The following EFL1 variants were observed in gnomAD, a reference collection of about 807,000 sequenced individuals.
The protein encoded by EFL1 is elongation factor-like GTPase 1.
A neutral mutation model predicts 126.7 loss-of-function variants in EFL1; 76 were observed. The ratio of observed to expected loss-of-function variants is 0.60; its 90% CI spans 0.50 to 0.73. EFL1 has a LOEUF of 0.73. EFL1 is among the 30% of genes least tolerant of loss of function. EFL1 has a pLI of 0.00. For missense variants in EFL1, 1,128 were observed against 1,343.2 expected, an observed-to-expected ratio of 0.84 and a Z score of 2.50; for synonymous variants, 410 against 448.4, an observed-to-expected ratio of 0.91 and a Z score of 1.08.
intron 15 of EFL1, among the ~76,000 whole-genome samples, chr15:82,182,002 G>C (rs913352214): frequency 2.6e-5 from 4 of 152,190 alleles, no homozygotes; most frequent in Non-Finnish European, 5.9e-5. Flanking sequence ...GCTCACGCCT[G>C]TAATCCCAGC....
chr15:82,147,602 A>C, intron 18 of EFL1, among the ~76,000 whole-genome samples: 1 of 145,776 alleles, frequency 6.9e-6, no homozygotes, highest in Non-Finnish European at 1.5e-5. Flanking sequence ...AGATTGTGCC[A>C]CTGCAGTCCA....
chr15:82,133,752 G>A (rs1405023654), intron 19 of EFL1, among the ~76,000 whole-genome samples: 1 of 152,196 alleles, frequency 6.6e-6, no homozygotes, highest in Non-Finnish European at 1.5e-5. Context: ...AACACAAACT[G>A]TTTTCAGAAT....
Position 82,228,234 on chromosome 15 carries a change from G to A in EFL1, c.1026C>T (p.Asn342=), listed in dbSNP as rs192835644. 594 of 1,613,980 alleles carry A rather than the reference G, an allele frequency of 3.7e-4. 1 individual carries two copies. In the African/African-American group the frequency reaches 6.0e-3, roughly 16 times the overall value. The change falls in exon 10 of 20, where the codon AAC becomes AAT. Residue 342 remains asparagine, a synonymous_variant. Coordinates refer to ENST00000268206, the MANE Select transcript of EFL1 (RefSeq NM_024580.6). ...TGGGTAGCCACTGACTGCAAATGGC[G>A]TTGATCTGAACTTTAGGGTCTGAAT... ...ARHSDPKVQI[N]AICSQWLPIS...
chr15:82,230,789 A>G, intron 8 of EFL1, 59 bp downstream of exon 8: 1 of 1,540,324 alleles, frequency 6.5e-7, no homozygotes, highest in Non-Finnish European at 8.7e-7. Context: ...ATATTACAGT[A>G]TAGGTTTTCA....
intron 4 of EFL1, among the ~76,000 whole-genome samples, chr15:82,244,239 G>T (rs1357255409): frequency 1.3e-5 from 2 of 152,092 alleles, no homozygotes; most frequent in Non-Finnish European, 2.9e-5. Context: ...CTCTTCTGCT[G>T]TGACTTCAGC....
rs1337094152 is a variant in EFL1, at chr15:82,230,988, T to C, written c.732-17A>G. ...TGCTCAATTCTGAAAGAAGACCAAA[T>C]GTTCATGTTATTAATAACAACGATT... On this transcript the variant is annotated splice_polypyrimidine_tract_variant and intron_variant, in intron 7 of 19. Coordinates refer to ENST00000268206, the MANE Select transcript of EFL1 (RefSeq NM_024580.6). 4 of 1,607,794 alleles carry C rather than the reference T, an allele frequency of 2.5e-6. No individual in the cohort carries two copies. The South Asian group carries it at 4.5e-5, about 18-fold the overall frequency.
At position 82,244,446 on chromosome 15, in the gene EFL1, C is replaced by T. The variant is rs1474976269; in HGVS notation, c.245-3043G>A. The stretch of plus-strand genomic sequence containing the variant: ...TTTTAAGCATGCTAAATGATCTTTC[C>T]GATTTGTAACAAAGTCCTGAAGCTA... On this transcript the variant is annotated intron_variant, in intron 4 of 19. Coordinates refer to ENST00000268206, the MANE Select transcript of EFL1 (RefSeq NM_024580.6). Among the ~76,000 whole-genome samples, 32 of 152,034 alleles carry T rather than the reference C, an allele frequency of 2.1e-4. 1 individual carries two copies. Among genetic ancestry groups the T allele is most frequent in the Non-Finnish European group, 4.0e-4 (27 of 68,020 alleles).
intron 3 of EFL1, among the ~76,000 whole-genome samples, chr15:82,255,309 GA>G (rs1464686149): frequency 2.6e-5 from 4 of 152,116 alleles, no homozygotes; most frequent in Non-Finnish European, 5.9e-5. Flanking sequence ...CCTTTTCTGT[GA>G]ATTGCCTATA....
At chr15:82,165,751 T>C (rs1381698057) in intron 15 of EFL1, among the ~76,000 whole-genome samples, 2 of 152,230 alleles carry the variant, frequency 1.3e-5, no homozygotes, top group Non-Finnish European at 2.9e-5. Context: ...TTTGAAAGCA[T>C]TTGTCAGATC....
At chr15:82,257,505 G>A (rs1204077768) in intron 3 of EFL1, among the ~76,000 whole-genome samples, 2 of 152,046 alleles carry the variant, frequency 1.3e-5, no homozygotes, top group East Asian at 3.8e-4. Flanking sequence ...CAATGTCAAT[G>A]AAAAACAAAA....
chr15:82,239,894 T>A (rs1169496701), intron 6 of EFL1, among the ~76,000 whole-genome samples: 2 of 152,196 alleles, frequency 1.3e-5, no homozygotes, highest in Admixed American at 6.5e-5. Flanking sequence ...TCTATGCTGT[T>A]ATATCACACC....
intron 1 of EFL1, 181 bp from the exon 2 acceptor site, chr15:82,261,978 T>C (rs1440459183): frequency 1.9e-6 from 1 of 538,028 alleles, no homozygotes. Context: ...CTAAAGTCAG[T>C]ATCCTACCAC....
At chr15:82,175,493 A>C (rs1435851514) in intron 15 of EFL1, among the ~76,000 whole-genome samples, 1 of 152,146 alleles carries the variant, frequency 6.6e-6, no homozygotes, top group Non-Finnish European at 1.5e-5. Flanking sequence ...AATAACCAGA[A>C]CTACAGGTTG....
At chr15:82,185,496 C>T (rs918413847) in intron 15 of EFL1, among the ~76,000 whole-genome samples, 1 of 151,832 alleles carries the variant, frequency 6.6e-6, no homozygotes, top group Admixed American at 6.6e-5. Context: ...GAACTTTTCC[C>T]ATAAATTTTT....
Position 82,173,959 on chromosome 15 carries a change from GC to G in EFL1, c.1751-9976del, listed in dbSNP as rs374209487. Among the ~76,000 whole-genome samples, 1,051 of 152,274 alleles carry G rather than the reference GC, an allele frequency of 6.9e-3. 9 individuals carry two copies. Among genetic ancestry groups the G allele is most frequent in the Non-Finnish European group, 8.2e-3 (556 of 68,020 alleles). ...AATCCCAGCACTTTGGGAGGCCGAAGCAGGCGGATCACGAGGTCAGGAGATG... is the reference window on the plus strand; with the variant it reads ...AATCCCAGCACTTTGGGAGGCCGAAGAGGCGGATCACGAGGTCAGGAGATG... On this transcript the variant is annotated intron_variant, in intron 15 of 19. Coordinates refer to ENST00000268206, the MANE Select transcript of EFL1 (RefSeq NM_024580.6).
At chr15:82,130,664 G>A (rs1396348621) in intron 19 of EFL1, 103 bp from the exon 20 acceptor site, 2 of 1,248,392 alleles carry the variant, frequency 1.6e-6, no homozygotes, top group East Asian at 2.4e-5. Context: ...ATGAAAAAAA[G>A]TTAGGCAATG....
intron 15 of EFL1, among the ~76,000 whole-genome samples, chr15:82,193,694 C>G (rs1330332544): frequency 6.6e-6 from 1 of 152,180 alleles, no homozygotes; most frequent in African/African-American, 2.4e-5. Flanking sequence ...CTTCCCTCCT[C>G]TGGCTCGTAA....
chr15:82,175,467 C>G (rs2074185027), intron 15 of EFL1, among the ~76,000 whole-genome samples: 1 of 152,148 alleles, frequency 6.6e-6, no homozygotes, highest in South Asian at 2.1e-4. Context: ...TTCTTTCTTA[C>G]TTAGTAGATC....
At chr15:82,147,356 G>A (rs2073858180) in intron 18 of EFL1, among the ~76,000 whole-genome samples, 1 of 152,118 alleles carries the variant, frequency 6.6e-6, no homozygotes, top group Non-Finnish European at 1.5e-5. Context: ...TTGGCCAGAT[G>A]TGGTGACTCA....
Sources: allele counts gnomAD v4.1 joint callset (sites outside exome capture counted in the v4.1 genomes callset), GRCh38; gene constraint gnomAD v4.1.1; transcripts MANE v1.5; gene names NCBI Gene and HGNC (gene_info 2026-07-23, HGNC 2026-07-21).